Variants in ANKRD11 observed in about 807,000 individuals in gnomAD.
ANKRD11 encodes the protein ankyrin repeat domain-containing protein 11.
Under a neutral mutation model 195.7 loss-of-function variants are expected in ANKRD11, and 17 were observed. That is an observed-to-expected ratio of 0.09 (90% CI 0.06 to 0.13). The LOEUF is 0.13. Among genes scored for constraint, ANKRD11 ranks in the 10% least tolerant of loss-of-function variants. The pLI, the probability that ANKRD11 is intolerant of heterozygous loss-of-function variation, is 1.00. For missense variants in ANKRD11, 3,735 were observed against 3,566.1 expected, an observed-to-expected ratio of 1.05 and a Z score of -1.21; for synonymous variants, 1,953 against 1,528.1, an observed-to-expected ratio of 1.28 and a Z score of -6.49.
rs755369887 is a variant in ANKRD11, at chr16:89,281,394, C to T, written c.5148G>A (p.Glu1716=). The change falls in exon 9 of 13, where the codon GAG becomes GAA. Residue 1716 remains glutamate (E), a synonymous_variant. Coordinates refer to ENST00000301030, the MANE Select transcript of ANKRD11 (RefSeq NM_013275.6). This position sits in a 1 kb window ranked among gnomAD's most constrained non-coding sequence, Gnocchi z 5.5. The stretch of plus-strand genomic sequence containing the variant: ...GGGTCCTGGGCGTGTGCATCACCTC[C>T]TCGTAGCTGGGGCAGGATAGCACCG... ...PTSVLSCPSY[E]EVMHTPRTPS... The T allele has an allele frequency of 3.7e-6, 6 of 1,609,116 alleles. No homozygotes were observed. The highest frequency in any genetic ancestry group is 1.1e-5 in the South Asian group (1 of 90,888).
intron 2 of ANKRD11, among the ~76,000 whole-genome samples, chr16:89,347,024 T>C (rs2038972952): frequency 6.6e-6 from 1 of 151,752 alleles, no homozygotes; most frequent in African/African-American, 2.4e-5. Context: ...CCAAGGTTGG[T>C]CAGTAGCAGG....
chr16:89,385,743 G>A lies in ANKRD11; in HGVS notation c.-60+32541C>T, dbSNP rs181277685. Among the ~76,000 whole-genome samples, 19 of 152,352 alleles carry A rather than the reference G, an allele frequency of 1.2e-4. No individual in the cohort carries two copies. In the East Asian group the frequency reaches 3.3e-3, roughly 26 times the overall value. Reference sequence around the variant, plus strand: ...AAACCCCACTCAGCACCACTTTCACGTCTGACGACAGAAGGCTAACGTGAG... The same window carrying A: ...AAACCCCACTCAGCACCACTTTCACATCTGACGACAGAAGGCTAACGTGAG... On this transcript the variant is annotated intron_variant, in intron 2 of 12. Coordinates refer to ENST00000301030, the MANE Select transcript of ANKRD11 (RefSeq NM_013275.6).
chr16:89,381,235 G>A (rs185328646), intron 2 of ANKRD11, among the ~76,000 whole-genome samples: 3 of 151,828 alleles, frequency 2.0e-5, no homozygotes, highest in African/African-American at 7.3e-5. Context: ...GGGAGGCTGA[G>A]GCAGGAGAAT....
At chr16:89,277,012 C>A (rs367885670) in intron 9 of ANKRD11, among the ~76,000 whole-genome samples, 1 of 150,916 alleles carries the variant, frequency 6.6e-6, no homozygotes, top group East Asian at 1.9e-4. Flanking sequence ...GCCGACATCA[C>A]GCCACTGCAC....
intron 2 of ANKRD11, among the ~76,000 whole-genome samples, chr16:89,380,645 C>T (rs2152103635): frequency 6.6e-6 from 1 of 152,304 alleles, no homozygotes; most frequent in South Asian, 2.1e-4. Context: ...CAATAGGAGA[C>T]AGGCTTCTAG....
rs116223494 is a variant in ANKRD11, at chr16:89,336,118, G to A, written c.-59-19040C>T. ...ATTTGCTGATCGTTTTCAGCCACAC[G>A]GTTTTCTGCCATGTAATCCACAGAA... On this transcript the variant is annotated intron_variant, in intron 2 of 12. Coordinates refer to ENST00000301030, the MANE Select transcript of ANKRD11 (RefSeq NM_013275.6). 3.9e-3 allele frequency among the ~76,000 whole-genome samples: 590 copies of A among 152,352 alleles called. 2 individuals are homozygous for A. The highest frequency in any genetic ancestry group is 0.014 in the African/African-American group (567 of 41,590).
intron 1 of ANKRD11, among the ~76,000 whole-genome samples, chr16:89,432,394 AGCCGCCTCCCAGAGCCC>A: frequency 6.6e-6 from 1 of 152,084 alleles, no homozygotes; most frequent in East Asian, 1.9e-4. Context: ...TCGCCGTGGC[AGCCGCCTCCCAGAGCCC>A]GTGGCATGCA....
At chr16:89,339,055 A>C (rs2038526789) in intron 2 of ANKRD11, among the ~76,000 whole-genome samples, 1 of 152,138 alleles carries the variant, frequency 6.6e-6, no homozygotes, top group Non-Finnish European at 1.5e-5. Flanking sequence ...TGAGTCTCTA[A>C]ACCAGGAGGA....
chr16:89,400,059 G>C (rs1365418816), intron 2 of ANKRD11, among the ~76,000 whole-genome samples: 1 of 81,956 alleles, frequency 1.2e-5, no homozygotes, highest in Non-Finnish European at 2.5e-5. Context: ...AGGCTTCCCT[G>C]CGCTGGGGGC....
At position 89,279,409 on chromosome 16, in the gene ANKRD11, TC is replaced by T. The variant is rs2033963049; in HGVS notation, c.7132del (p.Asp2378ThrfsTer23). On this transcript the variant is annotated frameshift_variant, in exon 9 of 13. Transcript: ENST00000301030. LOFTEE classifies it high-confidence loss of function. This position sits in a 1 kb window ranked among gnomAD's most constrained non-coding sequence, Gnocchi z 5.6. Reference protein sequence around the residue: ...RAKARGSEDDDAQAQHPRKRR... With the variant: ...RAKARGSEDDXAQAQHPRKRR... ...TTTGCGCGGATGCTGGGCCTGGGCG[TC>T]GTCGTCCTCGGAGCCGCGGGCCTTG... 6.5e-7 allele frequency: 1 copy of T among 1,537,694 alleles called. No individual in the cohort carries two copies. The highest frequency in any genetic ancestry group is 8.7e-7 in the Non-Finnish European group (1 of 1,145,908).
intron 2 of ANKRD11, among the ~76,000 whole-genome samples, chr16:89,377,366 A>G (rs1232252481): frequency 6.6e-6 from 1 of 152,106 alleles, no homozygotes; most frequent in African/African-American, 2.4e-5. Flanking sequence ...TCAAACCCAA[A>G]ACAATGAACT....
intron 4 of ANKRD11, among the ~76,000 whole-genome samples, chr16:89,293,477 CGGAG>C (rs1597494597): frequency 7.1e-6 from 1 of 140,176 alleles, no homozygotes. Context: ...GTTGTGGCTG[CGGAG>C]GGAGGAGCTG....
intron 2 of ANKRD11, among the ~76,000 whole-genome samples, chr16:89,387,304 C>T (rs1267417889): frequency 6.6e-6 from 1 of 151,798 alleles, no homozygotes; most frequent in Non-Finnish European, 1.5e-5. Flanking sequence ...GAAGGGGCTG[C>T]GTCTGTGGTG....
At chr16:89,418,825 C>T (rs567948264) in intron 1 of ANKRD11, among the ~76,000 whole-genome samples, 4 of 150,226 alleles carry the variant, frequency 2.7e-5, no homozygotes, top group South Asian at 2.1e-4. Context: ...AGTGCAGTGG[C>T]GTGATCTCAG....
intron 6 of ANKRD11, 34 bp downstream of exon 6, chr16:89,290,591 G>A: frequency 6.2e-7 from 1 of 1,606,962 alleles, no homozygotes; most frequent in Non-Finnish European, 8.5e-7. Flanking sequence ...CTCCAGTGGG[G>A]CTCTCTGGCC....
intron 3 of ANKRD11, 99 bp downstream of exon 3, chr16:89,316,834 G>A (rs948994232): frequency 4.6e-5 from 65 of 1,411,272 alleles, no homozygotes; most frequent in Middle Eastern, 3.8e-4. Context: ...GGAAAGGGCC[G>A]GAGGGCGGAG....
At position 89,323,229 on chromosome 16, in the gene ANKRD11, A is replaced by G. The variant is rs578081292; in HGVS notation, c.-59-6151T>C. The G allele has an allele frequency of 3.5e-6, 4 of 1,145,654 alleles. No homozygotes were observed. In the South Asian group the frequency reaches 5.1e-5, roughly 15 times the overall value. The allele number at this position is 1,145,654 out of a possible 1,614,324, so 71.0% of individuals were successfully genotyped here. ...TCCAACGGACTGAGCGGAGGAAAAA[A>G]GAAAAAAGGAGAAAAGGAAAAAGAG... On this transcript the variant is annotated intron_variant, in intron 2 of 12. Coordinates refer to ENST00000301030, the MANE Select transcript of ANKRD11 (RefSeq NM_013275.6).
chr16:89,417,465 G>A (rs539974793), intron 2 of ANKRD11, among the ~76,000 whole-genome samples: 5 of 152,258 alleles, frequency 3.3e-5, no homozygotes, highest in African/African-American at 4.8e-5. Context: ...GCCCTACAGC[G>A]ACACGTGCTT....
At chr16:89,428,369 CA>C (rs915290239) in intron 1 of ANKRD11, among the ~76,000 whole-genome samples, 149 of 151,338 alleles carry the variant, frequency 9.8e-4, no homozygotes, top group African/African-American at 1.4e-3. Context: ...ACTAAAAATA[CA>C]AAAAAATTAG....
Sources: gnomAD v4.1 joint callset for allele counts (sites outside exome capture counted in the v4.1 genomes callset) on GRCh38, gnomAD v4.1.1 for gene constraint, Gnocchi (gnomAD v3.1) non-coding constraint, MANE v1.5 for transcripts, NCBI Gene and HGNC (gene_info 2026-07-23, HGNC 2026-07-21) for gene names.